The following COBL variants were observed in gnomAD, a reference collection of about 807,000 sequenced individuals.
COBL encodes protein cordon-bleu.
In COBL, 51 loss-of-function variants were observed where a neutral mutation model predicts 98.8. The ratio of observed to expected loss-of-function variants is 0.52; its 90% CI spans 0.41 to 0.65. The LOEUF (loss-of-function observed/expected upper bound fraction) is 0.65. Among genes scored for constraint, COBL ranks in the 30% least tolerant of loss-of-function variants. The probability of loss-of-function intolerance (pLI) is 0.00; values close to 1 mark genes in which losing one functional copy is unlikely to be tolerated. For synonymous variants in COBL, 634 were observed against 651.7 expected (o/e 0.97, Z 0.41); for missense variants, 1,617 against 1,617.5 (o/e 1.00, Z 0.01).
chr7:51,054,748 C>T (rs1790569580), intron 7 of COBL, among the ~76,000 whole-genome samples: 1 of 152,180 alleles, frequency 6.6e-6, no homozygotes, highest in Non-Finnish European at 1.5e-5. Context: ...CTGTGCAACA[C>T]AAAGCTTGGC....
chr7:51,159,133 C>A (rs1442313271), intron 5 of COBL, among the ~76,000 whole-genome samples: 1 of 152,106 alleles, frequency 6.6e-6, no homozygotes, highest in Non-Finnish European at 1.5e-5. Flanking sequence ...AGCCCCCGGC[C>A]GCGCGCACCT....
chr7:51,159,795 C>G (rs1786600927), intron 5 of COBL, among the ~76,000 whole-genome samples: 2 of 152,160 alleles, frequency 1.3e-5, no homozygotes, highest in South Asian at 4.2e-4. Flanking sequence ...ATCGAACACT[C>G]TGGGAAAAAA....
intron 6 of COBL, among the ~76,000 whole-genome samples, chr7:51,107,092 G>GTTT (rs1160414563): frequency 3.5e-4 from 22 of 63,408 alleles, no homozygotes; most frequent in African/African-American, 6.5e-4. Flanking sequence ...TAGTTTGTTT[G>GTTT]TTTTTTTTTT....
chr7:51,199,196 A>G (rs1046339762), intron 2 of COBL, among the ~76,000 whole-genome samples: 3 of 152,134 alleles, frequency 2.0e-5, no homozygotes, highest in African/African-American at 7.2e-5. Context: ...ACGTCTATTC[A>G]TACCCTTGGT....
At chr7:51,162,842 CAG>C (rs1786955623) in intron 5 of COBL, among the ~76,000 whole-genome samples, 1 of 152,244 alleles carries the variant, frequency 6.6e-6, no homozygotes, top group African/African-American at 2.4e-5. Context: ...CTGTGCTCAT[CAG>C]AGATTCACTA....
At chr7:51,139,611 G>C (rs1799550094) in intron 5 of COBL, among the ~76,000 whole-genome samples, 1 of 152,186 alleles carries the variant, frequency 6.6e-6, no homozygotes, top group Non-Finnish European at 1.5e-5. Flanking sequence ...TCTCAGTTCT[G>C]CTACTCAACA....
At chr7:51,041,731 A>C (rs1789220960) in intron 8 of COBL, among the ~76,000 whole-genome samples, 1 of 151,842 alleles carries the variant, frequency 6.6e-6, no homozygotes, top group Non-Finnish European at 1.5e-5. Context: ...TGATCCGCCC[A>C]CCTGAGCCTC....
chr7:51,194,352 A>G (rs141096510), intron 2 of COBL, among the ~76,000 whole-genome samples: 1 of 152,248 alleles, frequency 6.6e-6, no homozygotes, highest in East Asian at 1.9e-4. Context: ...TCTTTATCCA[A>G]CATACTATTG....
intron 1 of COBL, among the ~76,000 whole-genome samples, chr7:51,294,973 T>C (rs551975805): frequency 5.3e-5 from 8 of 152,004 alleles, no homozygotes; most frequent in African/African-American, 1.9e-4. Context: ...GACAAATACC[T>C]AATGCATGAG....
In COBL at chr7:51,136,192, G is replaced by A. The variant is rs1799221407; in HGVS notation, c.923C>T (p.Ser308Leu). The change falls in exon 6 of 13, where the codon TCA (serine) becomes TTA (leucine). Residue 308 changes from serine (S) to leucine (L), a missense_variant. Ser to Leu is a moderately radical substitution (Grantham distance 145). This residue lies in a region of COBL where 1,304 missense variants were observed against 1,282.0 expected (regional missense o/e 1.02). Coordinates refer to ENST00000265136, the MANE Select transcript of COBL (RefSeq NM_015198.5). ...KKRRAPPPPG[S>L]GPPVQDKASE... is the part of the protein sequence containing the mutation. Reference sequence around the variant, plus strand: ...TGCCTTGTCTTGCACAGGTGGCCCTGAACCTGGAGGAGGAGGGGCTCGGCG... The same window carrying A: ...TGCCTTGTCTTGCACAGGTGGCCCTAAACCTGGAGGAGGAGGGGCTCGGCG... 6.2e-7 allele frequency: 1 copy of A among 1,612,732 alleles called. No individual in the cohort carries two copies. Among genetic ancestry groups the A allele is most frequent in the Non-Finnish European group, 8.5e-7 (1 of 1,180,022 alleles).
chr7:51,043,244 G>T (rs1789377221), intron 8 of COBL, 139 bp downstream of exon 8: 5 of 678,124 alleles, frequency 7.4e-6, no homozygotes, highest in Non-Finnish European at 1.3e-5. Context: ...CCTGAGAGCA[G>T]CTGCTGTGAA....
rs801142 is a variant in COBL at position 51,219,773 on chromosome 7, A to G, written c.213T>C (p.Ser71=). 0.75 allele frequency: 1,216,452 copies of G among 1,613,798 alleles called. 459,660 individuals are homozygous for G. Among genetic ancestry groups the G allele is most frequent in the Admixed American group, 0.83 (49,895 of 59,998 alleles). The change falls in exon 2 of 13, where the codon AGT becomes AGC. Residue 71 remains serine, a synonymous_variant. Transcript: ENST00000265136. The part of the protein sequence containing the change: ...STMDVTVVLP[S]GLEKRSVLNG... ...TGAGCACGCTCCTCTTCTCCAGCCC[A>G]CTAGGCAGGACCACGGTGACGTCCA...
intron 8 of COBL, chr7:51,032,231 T>C (rs1788234987): frequency 6.6e-6 from 1 of 152,184 alleles, no homozygotes; most frequent in African/African-American, 2.4e-5. Flanking sequence ...GCACGGGGCA[T>C]CCAGGAAGAT....
chr7:51,310,383 T>C (rs569007441), intron 1 of COBL, among the ~76,000 whole-genome samples: 1 of 152,336 alleles, frequency 6.6e-6, no homozygotes, highest in East Asian at 1.9e-4. Flanking sequence ...GACAATTTTC[T>C]TTCCACTAAT....
Position 51,017,319 on chromosome 7 carries a change from T to C in COBL, c.*232A>G. On this transcript the variant is annotated 3_prime_UTR_variant, in exon 13 of 13. Coordinates refer to ENST00000265136, the MANE Select transcript of COBL (RefSeq NM_015198.5). ...AGAATCGTTTATTAGCAACTTAAGATATTCAGAGGCAAAACACATTTCCTT... is the reference window on the plus strand; with the variant it reads ...AGAATCGTTTATTAGCAACTTAAGACATTCAGAGGCAAAACACATTTCCTT... The C allele has an allele frequency of 1.7e-6, 1 of 598,862 alleles. No homozygotes were observed. The highest frequency in any genetic ancestry group is 3.0e-6 in the Non-Finnish European group (1 of 335,610). The allele number at this position is 598,862 out of a possible 1,614,324, so 37.1% of individuals were successfully genotyped here.
rs1799794272 is a variant in COBL at position 51,281,281 on chromosome 7, C to CT, written c.41+35311_41+35312insA. ...AAAGAGGAAGGACTGTAAAAATGAACAGGCATAGGGACCTATGGGGCAATA... is the reference window on the plus strand; with the variant it reads ...AAAGAGGAAGGACTGTAAAAATGAACTAGGCATAGGGACCTATGGGGCAATA... On this transcript the variant is annotated intron_variant, in intron 1 of 12. Coordinates refer to ENST00000265136, the MANE Select transcript of COBL (RefSeq NM_015198.5). Among the ~76,000 whole-genome samples the CT allele has an allele frequency of 1.1e-4, 16 of 152,106 alleles. 1 individual carries two copies. The highest frequency in any genetic ancestry group is 7.9e-4 in the Admixed American group (12 of 15,276).
At chr7:51,155,017 TA>T (rs1275677298) in intron 5 of COBL, among the ~76,000 whole-genome samples, 2 of 152,182 alleles carry the variant, frequency 1.3e-5, no homozygotes, top group Non-Finnish European at 2.9e-5. Flanking sequence ...TCAGAAATAA[TA>T]GCAATAATAT....
intron 2 of COBL, among the ~76,000 whole-genome samples, chr7:51,194,799 CTTT>C (rs1387209573): frequency 6.6e-6 from 1 of 151,088 alleles, no homozygotes; most frequent in Non-Finnish European, 1.5e-5. Flanking sequence ...CCCACTTTTT[CTTT>C]TTTATTATTA....
chr7:51,144,296 C>T (rs990926624), intron 5 of COBL, among the ~76,000 whole-genome samples: 10 of 152,180 alleles, frequency 6.6e-5, no homozygotes, highest in Non-Finnish European at 4.4e-5. Flanking sequence ...ACATGGTCCT[C>T]ATTTCACAGC....
Sources: gnomAD v4.1 joint callset for allele counts (sites outside exome capture counted in the v4.1 genomes callset) on GRCh38, gnomAD v4.1.1 for gene constraint, gnomAD v4.1.1 regional missense constraint, MANE v1.5 for transcripts, NCBI Gene and HGNC (gene_info 2026-07-23, HGNC 2026-07-21) for gene names.